Variants in RNF157 observed in about 807,000 individuals in gnomAD.
The protein encoded by RNF157 is ring finger protein 157.
Under a neutral mutation model 88.3 loss-of-function variants are expected in RNF157, and 55 were observed. The ratio of observed to expected loss-of-function variants is 0.62; its 90% CI spans 0.50 to 0.78. The LOEUF (loss-of-function observed/expected upper bound fraction) is 0.78, where lower values mean the gene tolerates loss of function less well. RNF157 is among the 30% of genes least tolerant of loss of function. The pLI, the probability that RNF157 is intolerant of heterozygous loss-of-function variation, is 0.00. For synonymous variants in RNF157, 334 were observed against 341.2 expected (o/e 0.98, Z 0.23); for missense variants, 788 against 860.8 (o/e 0.92, Z 1.06).
intron 7 of RNF157, 133 bp from the exon 8 acceptor site, chr17:76,164,928 C>T (rs2068899428): frequency 3.4e-6 from 2 of 593,068 alleles, no homozygotes; most frequent in South Asian, 2.3e-5. Flanking sequence ...CAATTACCCG[C>T]CATCAACCAC....
At chr17:76,152,310 G>A in intron 18 of RNF157, 45 bp downstream of exon 18, 1 of 1,231,574 alleles carries the variant, frequency 8.1e-7, no homozygotes, top group Non-Finnish European at 1.2e-6. Context: ...TAAGAGCACA[G>A]GGATCGTCTC....
chr17:76,181,638 G>A (rs1045465967), intron 2 of RNF157, among the ~76,000 whole-genome samples: 4 of 152,028 alleles, frequency 2.6e-5, no homozygotes, highest in Non-Finnish European at 2.9e-5. Flanking sequence ...GGTCGGGTGC[G>A]GTGGCTCACA....
intron 1 of RNF157, among the ~76,000 whole-genome samples, chr17:76,239,541 C>T (rs191382334): frequency 6.9e-6 from 1 of 145,264 alleles, no homozygotes; most frequent in African/African-American, 2.6e-5. Context: ...CCACCACCAC[C>T]CCCCCCACCC....
chr17:76,230,870 GAGAGAGAGAAAGAGAA>G (rs1173713743), intron 1 of RNF157, among the ~76,000 whole-genome samples: 28 of 109,584 alleles, frequency 2.6e-4, no homozygotes, highest in Middle Eastern at 4.3e-3. Flanking sequence ...GAGAGAGAGA[GAGAGAGAGAAAGAGAA>G]AGAGAGAAAG....
chr17:76,178,784 A>C (rs965516551), intron 2 of RNF157, among the ~76,000 whole-genome samples: 1 of 152,112 alleles, frequency 6.6e-6, no homozygotes, highest in Non-Finnish European at 1.5e-5. Context: ...AAACTTCTCT[A>C]AAGTCCCCCA....
At position 76,227,307 on chromosome 17, in the gene RNF157, G is replaced by A. The variant is rs186988816; in HGVS notation, c.88+12846C>T. On this transcript the variant is annotated intron_variant, in intron 1 of 18. Transcript: ENST00000269391. The stretch of plus-strand genomic sequence containing the variant: ...AGCTAATTTTTGTATTTTTAGTAGA[G>A]ACAGGGTTTTACCATGTTGGCCAGG... 2.6e-5 allele frequency among the ~76,000 whole-genome samples: 4 copies of A among 151,584 alleles called. No homozygotes were observed. The East Asian group carries it at 6.0e-4, about 23-fold the overall frequency.
In RNF157 at chr17:76,146,793, T is replaced by C. The variant is rs983003742; in HGVS notation, c.1922-1440A>G. 3.0e-6 allele frequency: 3 copies of C among 985,388 alleles called. No individual in the cohort carries two copies. The highest frequency in any genetic ancestry group is 9.4e-5 in the South Asian group (2 of 21,286). 61.0% of individuals were successfully genotyped at this position (985,388 alleles called of 1,614,324 possible). ...AGAGCCCAGCACAACACCTGACCCA[T>C]AGGAGGACCTGTTCAGCGGACAAGG... On this transcript the variant is annotated intron_variant, in intron 18 of 18. Transcript: ENST00000269391. This position sits in a 1 kb window ranked among gnomAD's most constrained non-coding sequence, Gnocchi z 4.2.
At chr17:76,228,337 C>G (rs1465089462) in intron 1 of RNF157, among the ~76,000 whole-genome samples, 1 of 152,158 alleles carries the variant, frequency 6.6e-6, no homozygotes, top group Admixed American at 6.5e-5. Context: ...TCTCAGAACC[C>G]TTATGCATTA....
chr17:76,177,455 G>A (rs534366779), intron 2 of RNF157, among the ~76,000 whole-genome samples: 18 of 152,026 alleles, frequency 1.2e-4, no homozygotes, highest in Admixed American at 5.2e-4. Flanking sequence ...TCGGGGTAGC[G>A]CTGACAAGCC....
At chr17:76,221,073 T>A (rs1284151364) in intron 1 of RNF157, among the ~76,000 whole-genome samples, 1 of 151,994 alleles carries the variant, frequency 6.6e-6, no homozygotes, top group Non-Finnish European at 1.5e-5. Flanking sequence ...GTGAACCGTG[T>A]TTGCACCACT....
chr17:76,237,136 G>A (rs908674637), intron 1 of RNF157, among the ~76,000 whole-genome samples: 2 of 152,068 alleles, frequency 1.3e-5, no homozygotes, highest in Non-Finnish European at 2.9e-5. Context: ...TCTATTTAAG[G>A]ATAGAAAAAA....
intron 13 of RNF157, chr17:76,156,626 G>C (rs1413734151): frequency 1.6e-6 from 1 of 632,838 alleles, no homozygotes; most frequent in Non-Finnish European, 2.0e-6. Flanking sequence ...TGTGACATGG[G>C]GACACCCCAG....
In RNF157 at chr17:76,240,167, T is replaced by C; in HGVS notation, c.74A>G (p.Tyr25Cys). 2 of 1,370,910 alleles carry C rather than the reference T, an allele frequency of 1.5e-6. No homozygotes were observed. Among genetic ancestry groups the C allele is most frequent in the Non-Finnish European group, 1.9e-6 (2 of 1,048,804 alleles). The allele number at this position is 1,370,910 out of a possible 1,614,324, so 84.9% of individuals were successfully genotyped here. The change falls in exon 1 of 19, where the codon TAC becomes TGC. Residue 25 changes from tyrosine (Y) to cysteine (C), a missense_variant. Tyr to Cys is a radical substitution (Grantham distance 194). Transcript: ENST00000269391. The surrounding 1 kb of genome is among the most constrained non-coding windows in gnomAD (Gnocchi z 4.4). ...VDIPSNSVYR[Y>C]PPKSGSYFAS... ...CCCGCCCTCACCGGACTTGGGCGGG[T>C]AGCGGTACACGGAATTAGACGGGAT...
intron 1 of RNF157, among the ~76,000 whole-genome samples, chr17:76,234,134 A>C (rs2070241635): frequency 6.6e-6 from 1 of 152,176 alleles, no homozygotes; most frequent in Non-Finnish European, 1.5e-5. Context: ...TATTCAATAG[A>C]TGGCCTTTTG....
At chr17:76,145,468 A>G in intron 18 of RNF157, 115 bp from the exon 19 acceptor site, 1 of 696,576 alleles carries the variant, frequency 1.4e-6, no homozygotes, top group Non-Finnish European at 2.5e-6. Context: ...GTGTCACCTG[A>G]GACTCCGATG....
chr17:76,158,297 T>C lies in RNF157; in HGVS notation c.1413+96A>G, dbSNP rs576728657. 3 of 810,908 alleles carry C rather than the reference T, an allele frequency of 3.7e-6. No individual in the cohort carries two copies. In the East Asian group the frequency reaches 7.4e-5, roughly 20 times the overall value. 50.2% of individuals were successfully genotyped at this position (810,908 alleles called of 1,614,324 possible). ...CAGAGGGTGCTGACAAGGTGTTTGATGAGTGAATGAGAGCAGAGGGACCTG... is the reference window on the plus strand; with the variant it reads ...CAGAGGGTGCTGACAAGGTGTTTGACGAGTGAATGAGAGCAGAGGGACCTG... On this transcript the variant is annotated intron_variant, in intron 13 of 18. Transcript: ENST00000269391.
chr17:76,185,568 C>T (rs1040071438), intron 2 of RNF157, among the ~76,000 whole-genome samples: 11 of 151,174 alleles, frequency 7.3e-5, no homozygotes, highest in African/African-American at 2.5e-4. Context: ...CTCCCGGGTT[C>T]ACGCCATTCT....
chr17:76,145,151 G>T lies in RNF157; in HGVS notation c.*84C>A. The T allele has an allele frequency of 1.2e-6, 1 of 856,392 alleles. No homozygotes were observed. The highest frequency in any genetic ancestry group is 1.9e-6 in the Non-Finnish European group (1 of 532,698). 53.0% of individuals were successfully genotyped at this position (856,392 alleles called of 1,614,324 possible). On this transcript the variant is annotated 3_prime_UTR_variant, in exon 19 of 19. Transcript: ENST00000269391. Reference sequence around the variant, plus strand: ...GAGGGTAAAAAGTCTCCAGCATCTTGCTGAGGATGCCCAGTAGGCAGCAGC... The same window carrying T: ...GAGGGTAAAAAGTCTCCAGCATCTTTCTGAGGATGCCCAGTAGGCAGCAGC...
intron 2 of RNF157, among the ~76,000 whole-genome samples, chr17:76,196,309 A>G (rs73360623): frequency 0.027 from 4,054 of 152,302 alleles, 168 homozygotes; most frequent in African/African-American, 0.089. Context: ...CCACTTATAT[A>G]AAGTTCAAAC....
Sources: gnomAD v4.1 joint callset for allele counts (sites outside exome capture counted in the v4.1 genomes callset) on GRCh38, gnomAD v4.1.1 for gene constraint, Gnocchi (gnomAD v3.1) non-coding constraint, MANE v1.5 for transcripts, NCBI Gene and HGNC (gene_info 2026-07-23, HGNC 2026-07-21) for gene names.